The following METAP2 variants were observed in gnomAD, a reference collection of about 807,000 sequenced individuals.
METAP2 encodes methionyl aminopeptidase 2, also known as methionine aminopeptidase 2.
METAP2 carries 25 observed loss-of-function variants against 59.4 expected under a neutral mutation model. The ratio of observed to expected loss-of-function variants is 0.42; its 90% CI spans 0.31 to 0.59. The LOEUF (loss-of-function observed/expected upper bound fraction) is 0.59. METAP2 is among the 20% of genes least tolerant of loss of function. The pLI is 0.16. For synonymous variants in METAP2, 214 were observed against 194.1 expected, an observed-to-expected ratio of 1.10 and a Z score of -0.85; for missense variants, 366 against 581.2, an observed-to-expected ratio of 0.63 and a Z score of 3.81.
chr12:95,491,095 T>C (rs965490160), intron 4 of METAP2, among the ~76,000 whole-genome samples: 5 of 152,038 alleles, frequency 3.3e-5, no homozygotes, highest in African/African-American at 9.7e-5. Flanking sequence ...TTTTTTTTTT[T>C]TTTCTTTTAA....
chr12:95,502,949 A>ATTT (rs71307542), intron 7 of METAP2, among the ~76,000 whole-genome samples: 57 of 134,316 alleles, frequency 4.2e-4, no homozygotes, highest in South Asian at 7.0e-4. Flanking sequence ...TTGTTCATAC[A>ATTT]TTTTTTTTTT....
At chr12:95,490,441 G>C (rs532872701) in intron 4 of METAP2, among the ~76,000 whole-genome samples, 2 of 151,426 alleles carry the variant, frequency 1.3e-5, no homozygotes, top group East Asian at 3.9e-4. Context: ...TAAAGTATTA[G>C]CCAGTTTCTC....
intron 2 of METAP2, among the ~76,000 whole-genome samples, chr12:95,478,193 C>T (rs1039899500): frequency 2.0e-5 from 3 of 152,046 alleles, no homozygotes; most frequent in African/African-American, 4.8e-5. Context: ...ACAAAGTTGC[C>T]CATCAGGTTG....
chr12:95,480,922 T>C (rs2076154046), intron 2 of METAP2, among the ~76,000 whole-genome samples: 1 of 152,236 alleles, frequency 6.6e-6, no homozygotes, highest in African/African-American at 2.4e-5. Flanking sequence ...GTCATTGCTG[T>C]CTCTAAGGTC....
rs1263645543 is a variant in METAP2 at position 95,514,853 on chromosome 12, A to G, written c.*949A>G. ...TCTTGGACTTTTTCATTCATGAGGCAAATGCTGTAATACCTTCCCCTTTGA... is the reference window on the plus strand; with the variant it reads ...TCTTGGACTTTTTCATTCATGAGGCGAATGCTGTAATACCTTCCCCTTTGA... On this transcript the variant is annotated 3_prime_UTR_variant, in exon 11 of 11. Coordinates refer to ENST00000323666, the MANE Select transcript of METAP2 (RefSeq NM_006838.4). 1 of 150,554 alleles carries G rather than the reference A, an allele frequency of 6.6e-6. No homozygotes were observed. The highest frequency in any genetic ancestry group is 2.5e-5 in the African/African-American group (1 of 39,880). The allele number at this position is 150,554 out of a possible 1,614,324, so 9.3% of individuals were successfully genotyped here.
intron 7 of METAP2, among the ~76,000 whole-genome samples, chr12:95,502,463 C>G (rs921248157): frequency 6.6e-6 from 1 of 152,118 alleles, no homozygotes; most frequent in African/African-American, 2.4e-5. Context: ...TTGAGCATCC[C>G]TTTTATATAG....
intron 4 of METAP2, among the ~76,000 whole-genome samples, chr12:95,491,718 C>T (rs927020196): frequency 1.3e-5 from 2 of 151,906 alleles, no homozygotes; most frequent in Non-Finnish European, 2.9e-5. Flanking sequence ...TTCTATGTTG[C>T]CCAGGCTGGT....
chr12:95,481,645 C>T (rs1248841833), intron 2 of METAP2, among the ~76,000 whole-genome samples: 1 of 152,124 alleles, frequency 6.6e-6, no homozygotes, highest in Non-Finnish European at 1.5e-5. Flanking sequence ...TAATTAGCCT[C>T]AAAAGGATGA....
rs1241265288 is a variant in METAP2 at position 95,514,209 on chromosome 12, G to A, written c.*305G>A. ...TTTGAATACCTAAGAGATACTTTTTGGATATTTATATTGCCATATTCTTAC... is the reference window on the plus strand; with the variant it reads ...TTTGAATACCTAAGAGATACTTTTTAGATATTTATATTGCCATATTCTTAC... On this transcript the variant is annotated 3_prime_UTR_variant, in exon 11 of 11. Transcript: ENST00000323666. 6.6e-6 allele frequency: 2 copies of A among 303,810 alleles called. No homozygotes were observed. Among genetic ancestry groups the A allele is most frequent in the East Asian group, 1.2e-4 (2 of 16,418 alleles). 18.8% of individuals were successfully genotyped at this position (303,810 alleles called of 1,614,324 possible). A position where few individuals can be genotyped will look rare whatever the true frequency, so the allele number is the denominator to read the frequency against.
At position 95,512,223 on chromosome 12, in the gene METAP2, T is replaced by G. The variant is rs73231337; in HGVS notation, c.1068+225T>G. Among the ~76,000 whole-genome samples, 543 of 152,344 alleles carry G rather than the reference T, an allele frequency of 3.6e-3. 2 individuals are homozygous for G. The highest frequency in any genetic ancestry group is 0.03 in the South Asian group (145 of 4,834). ...AAAGGGTTGTTTATTCAACATTTAA[T>G]GAATATTTATTGAGCATTCTCAGGT... is the stretch of plus-strand genomic sequence containing the variant. On this transcript the variant is annotated intron_variant, in intron 9 of 10. Transcript: ENST00000323666.
At chr12:95,483,473 CTCA>C in intron 3 of METAP2, 193 bp downstream of exon 3, 4 of 102,940 alleles carry the variant, frequency 3.9e-5, no homozygotes, top group Non-Finnish European at 6.9e-5. Context: ...GAGACTCTGT[CTCA>C]AAAAAAAAAA....
At chr12:95,505,758 G>A (rs2076354167) in intron 8 of METAP2, among the ~76,000 whole-genome samples, 2 of 151,652 alleles carry the variant, frequency 1.3e-5, no homozygotes, top group Admixed American at 1.3e-4. Flanking sequence ...GCCTCCCGAA[G>A]TGCTGGGATT....
In METAP2 at chr12:95,494,979, C is replaced by T. The variant is rs200035170; in HGVS notation, c.613C>T (p.Arg205Cys). 1.9e-6 allele frequency: 3 copies of T among 1,613,138 alleles called. No individual in the cohort carries two copies. Among genetic ancestry groups the T allele is most frequent in the Admixed American group, 1.7e-5 (1 of 59,844 alleles). Residue 205 changes from arginine to cysteine, a missense_variant, in exon 6 of 11, where the codon CGC becomes TGC. By Grantham distance (180) the Arg-to-Cys change is radical (BLOSUM62 -3). Coordinates refer to ENST00000323666, the MANE Select transcript of METAP2 (RefSeq NM_006838.4). Reference sequence around the variant, plus strand: ...TAGTGAAAAGTTGGAAGACTGTTCACGCAAGTTAATAAAAGAGAATGGATT... The same window carrying T: ...TAGTGAAAAGTTGGAAGACTGTTCATGCAAGTTAATAAAAGAGAATGGATT... ...EICEKLEDCS[R>C]KLIKENGLNA...
chr12:95,495,136 G>A lies in METAP2; in HGVS notation c.770G>A (p.Ser257Asn). 4 of 1,601,618 alleles carry A rather than the reference G, an allele frequency of 2.5e-6. No homozygotes were observed. Among genetic ancestry groups the A allele is most frequent in the Non-Finnish European group, 2.6e-6 (3 of 1,172,596 alleles). Reference protein sequence around the residue: ...ICKIDFGTHISGRIIDCAFTV... With the variant: ...ICKIDFGTHINGRIIDCAFTV... Reference sequence around the variant, plus strand: ...AAAATAGACTTTGGAACACATATAAGTGGTAAATTCTTGCAGAAAATTCCT... The same window carrying A: ...AAAATAGACTTTGGAACACATATAAATGGTAAATTCTTGCAGAAAATTCCT... Residue 257 changes from serine to asparagine, a missense_variant and splice_region_variant, in exon 6 of 11, where the codon AGT becomes AAT. Coordinates refer to ENST00000323666, the MANE Select transcript of METAP2 (RefSeq NM_006838.4).
intron 4 of METAP2, among the ~76,000 whole-genome samples, chr12:95,489,639 A>G (rs2076222674): frequency 6.6e-6 from 1 of 152,220 alleles, no homozygotes; most frequent in Non-Finnish European, 1.5e-5. Context: ...TCACCTTTGA[A>G]ACTACTCTAG....
intron 8 of METAP2, among the ~76,000 whole-genome samples, chr12:95,509,690 G>T (rs1190449615): frequency 6.6e-6 from 1 of 152,126 alleles, no homozygotes; most frequent in African/African-American, 2.4e-5. Flanking sequence ...AGGTTGTTGT[G>T]AAGAGTGAAT....
intron 4 of METAP2, among the ~76,000 whole-genome samples, chr12:95,490,003 G>C (rs964198046): frequency 6.6e-6 from 1 of 151,986 alleles, no homozygotes; most frequent in African/African-American, 2.4e-5. Context: ...TATGCATATT[G>C]TCATATACAA....
At chr12:95,477,706 G>C (rs1263924075) in intron 2 of METAP2, among the ~76,000 whole-genome samples, 1 of 152,142 alleles carries the variant, frequency 6.6e-6, no homozygotes, top group Admixed American at 6.5e-5. Context: ...CCTGGGGTTA[G>C]GTCTTTAACC....
At chr12:95,512,993 C>T in intron 10 of METAP2, 77 bp downstream of exon 10, 1 of 822,630 alleles carries the variant, frequency 1.2e-6, no homozygotes, top group Non-Finnish European at 2.0e-6. Context: ...AAAAATGTGG[C>T]ATACATACAA....
Sources: gnomAD v4.1 joint callset for allele counts (sites outside exome capture counted in the v4.1 genomes callset) on GRCh38, gnomAD v4.1.1 for gene constraint, MANE v1.5 for transcripts, NCBI Gene and HGNC (gene_info 2026-07-23, HGNC 2026-07-21) for gene names.